OSBPL10: variants seen among roughly 807,000 people sequenced by gnomAD.
The protein encoded by OSBPL10 is oxysterol binding protein like 10.
Under a neutral mutation model 81.7 loss-of-function variants are expected in OSBPL10, and 49 were observed. That is an observed-to-expected ratio of 0.60 (90% CI 0.48 to 0.76). The LOEUF (loss-of-function observed/expected upper bound fraction) is 0.76. Ranked by LOEUF, OSBPL10 falls within the 30% of genes least tolerant of loss-of-function variation. The probability of loss-of-function intolerance (pLI) is 0.00; values close to 1 mark genes in which losing one functional copy is unlikely to be tolerated. For missense variants in OSBPL10, 923 were observed against 987.8 expected, an observed-to-expected ratio of 0.93 and a Z score of 0.88; for synonymous variants, 419 against 383.6, an observed-to-expected ratio of 1.09 and a Z score of -1.08.
At chr3:31,792,485 T>G (rs1699039837) in intron 4 of OSBPL10, among the ~76,000 whole-genome samples, 1 of 152,170 alleles carries the variant, frequency 6.6e-6, no homozygotes, top group Non-Finnish European at 1.5e-5. Flanking sequence ...AGGCTCCTAG[T>G]TACCTAAAAA....
At chr3:32,059,112 C>T (rs1699735516) in intron 1 of OSBPL10, among the ~76,000 whole-genome samples, 1 of 150,766 alleles carries the variant, frequency 6.6e-6, no homozygotes, top group Admixed American at 6.6e-5. Context: ...GCCTGGCCAA[C>T]ATGATGAAAC....
intron 8 of OSBPL10, among the ~76,000 whole-genome samples, chr3:31,672,884 C>T (rs1015402939): frequency 1.3e-5 from 2 of 152,108 alleles, no homozygotes; most frequent in Non-Finnish European, 2.9e-5. Context: ...GGGCAGGTAT[C>T]ACAGCTGCAT....
At chr3:31,969,896 C>G (rs1698506064) in intron 1 of OSBPL10, among the ~76,000 whole-genome samples, 1 of 150,172 alleles carries the variant, frequency 6.7e-6, no homozygotes, top group African/African-American at 2.5e-5. Flanking sequence ...GAGGCCTCTT[C>G]TTTGGAAAGG....
intron 4 of OSBPL10, among the ~76,000 whole-genome samples, chr3:31,776,339 A>T (rs1186455669): frequency 6.6e-6 from 1 of 152,212 alleles, no homozygotes; most frequent in Non-Finnish European, 1.5e-5. Context: ...ATGTGGAGGA[A>T]TTGGAACCTT....
At chr3:32,026,886 A>G (rs1002584571) in intron 2 of OSBPL10, among the ~76,000 whole-genome samples, 1 of 152,214 alleles carries the variant, frequency 6.6e-6, no homozygotes, top group Admixed American at 6.5e-5. Flanking sequence ...CTGCACTGGC[A>G]TCCATACAGA....
intron 8 of OSBPL10, among the ~76,000 whole-genome samples, chr3:31,673,602 C>T (rs34162057): frequency 0.013 from 1,952 of 152,268 alleles, 27 homozygotes; most frequent in Non-Finnish European, 0.021. Context: ...AGGAGATAGT[C>T]CACTGCCACC....
At chr3:31,790,853 G>C (rs1401393216) in intron 4 of OSBPL10, among the ~76,000 whole-genome samples, 1 of 152,200 alleles carries the variant, frequency 6.6e-6, no homozygotes, top group Non-Finnish European at 1.5e-5. Flanking sequence ...TGCACATAAA[G>C]ATCTACTGCA....
chr3:31,786,240 G>C (rs1698856129), intron 4 of OSBPL10, among the ~76,000 whole-genome samples: 1 of 152,180 alleles, frequency 6.6e-6, no homozygotes, highest in Non-Finnish European at 1.5e-5. Flanking sequence ...TTTGCCCCCA[G>C]GTTGACTTTG....
At chr3:31,663,817 G>T in intron 11 of OSBPL10, 2 of 1,385,902 alleles carry the variant, frequency 1.4e-6, no homozygotes, top group Non-Finnish European at 1.9e-6. Context: ...CAGGCAGGCT[G>T]ACATGCTTTT....
intron 6 of OSBPL10, among the ~76,000 whole-genome samples, chr3:31,703,205 A>G (rs1161274498): frequency 2.6e-5 from 4 of 152,238 alleles, no homozygotes; most frequent in Admixed American, 6.5e-5. Context: ...GCAACTTAAT[A>G]AACTGGGCAA....
chr3:32,048,300 CACT>C (rs1388126046), intron 1 of OSBPL10, among the ~76,000 whole-genome samples: 2 of 130,828 alleles, frequency 1.5e-5, no homozygotes, highest in African/African-American at 5.7e-5. Flanking sequence ...CTCTCCTAGA[CACT>C]ACTACTATTT....
At chr3:31,807,632 G>A (rs573167149) in intron 4 of OSBPL10, among the ~76,000 whole-genome samples, 1 of 151,716 alleles carries the variant, frequency 6.6e-6, no homozygotes, top group Non-Finnish European at 1.5e-5. Flanking sequence ...CAACTACTTA[G>A]GAGGCTGAGG....
At chr3:31,693,794 G>A (rs1695628608) in intron 7 of OSBPL10, among the ~76,000 whole-genome samples, 2 of 152,028 alleles carry the variant, frequency 1.3e-5, no homozygotes, top group South Asian at 4.1e-4. Context: ...TTAAGATAAG[G>A]TCTTGCTCTG....
intron 1 of OSBPL10, among the ~76,000 whole-genome samples, chr3:31,882,786 A>G (rs925342921): frequency 1.3e-5 from 2 of 152,172 alleles, no homozygotes; most frequent in African/African-American, 2.4e-5. Context: ...CCCACATCAG[A>G]CCACTATATT....
At chr3:31,740,843 A>G (rs1697320891) in intron 5 of OSBPL10, among the ~76,000 whole-genome samples, 1 of 147,052 alleles carries the variant, frequency 6.8e-6, no homozygotes, top group Admixed American at 6.8e-5. Flanking sequence ...ACTTAATATG[A>G]CCACTACTAG....
At chr3:31,888,663 G>T (rs558281861) in intron 1 of OSBPL10, among the ~76,000 whole-genome samples, 1 of 152,176 alleles carries the variant, frequency 6.6e-6, no homozygotes, top group Non-Finnish European at 1.5e-5. Flanking sequence ...GCTCACGCCC[G>T]TAATCCCAGC....
intron 2 of OSBPL10, among the ~76,000 whole-genome samples, chr3:32,040,777 C>T (rs1327506453): frequency 1.3e-5 from 2 of 152,116 alleles, no homozygotes; most frequent in Non-Finnish European, 2.9e-5. Flanking sequence ...TTCAAGGCTG[C>T]AGTGAGCTAT....
At chr3:32,002,827 T>C (rs898763523) in intron 2 of OSBPL10, among the ~76,000 whole-genome samples, 16 of 132,098 alleles carry the variant, frequency 1.2e-4, no homozygotes, top group Non-Finnish European at 2.7e-4. Context: ...TGAATCTGCT[T>C]TTATCTTTTA....
intron 3 of OSBPL10, among the ~76,000 whole-genome samples, chr3:31,850,910 C>T (rs772230979): frequency 1.3e-5 from 2 of 152,174 alleles, no homozygotes; most frequent in Non-Finnish European, 2.9e-5. Flanking sequence ...GAAGAATACT[C>T]GAGTTTCTTC....
Sources: allele counts gnomAD v4.1 joint callset (sites outside exome capture counted in the v4.1 genomes callset), GRCh38; gene constraint gnomAD v4.1.1; transcripts MANE v1.5; gene names NCBI Gene and HGNC (gene_info 2026-07-23, HGNC 2026-07-21).